The following RNF220 variants were observed in gnomAD, a reference collection of about 807,000 sequenced individuals.
The protein encoded by RNF220 is E3 ubiquitin-protein ligase RNF220.
A neutral mutation model predicts 67.1 loss-of-function variants in RNF220; 7 were observed. That is an observed-to-expected ratio of 0.10 (90% confidence interval 0.06 to 0.20). The LOEUF is 0.20. RNF220 is among the 10% of genes least tolerant of loss of function. The probability of loss-of-function intolerance (pLI) is 1.00; values close to 1 mark genes in which losing one functional copy is unlikely to be tolerated. For missense variants in RNF220, 565 were observed against 740.3 expected, an observed-to-expected ratio of 0.76 and a Z score of 2.75; for synonymous variants, 270 against 283.2, an observed-to-expected ratio of 0.95 and a Z score of 0.47.
intron 2 of RNF220, among the ~76,000 whole-genome samples, chr1:44,570,371 C>T (rs1381631031): frequency 4.6e-5 from 7 of 152,196 alleles, no homozygotes; most frequent in Admixed American, 2.6e-4. Flanking sequence ...AACATTTCTT[C>T]TGAAAATTGC....
intron 2 of RNF220, among the ~76,000 whole-genome samples, chr1:44,522,330 C>G (rs1572759308): frequency 6.6e-6 from 1 of 152,132 alleles, no homozygotes; most frequent in Non-Finnish European, 1.5e-5. Context: ...CTAATAATAT[C>G]CAGAGTCCTG....
chr1:44,513,632 C>G (rs1659215834), intron 2 of RNF220, among the ~76,000 whole-genome samples: 1 of 152,218 alleles, frequency 6.6e-6, no homozygotes, highest in Non-Finnish European at 1.5e-5. Context: ...CTGGCTTTGA[C>G]AGGGCCCATA....
intron 2 of RNF220, among the ~76,000 whole-genome samples, chr1:44,427,942 G>A (rs563989903): frequency 6.6e-6 from 1 of 152,214 alleles, no homozygotes; most frequent in Admixed American, 6.5e-5. Context: ...TGCATTATGG[G>A]GACAGTGACT....
intron 2 of RNF220, among the ~76,000 whole-genome samples, chr1:44,479,407 C>T (rs1252688316): frequency 3.3e-5 from 5 of 152,086 alleles, no homozygotes; most frequent in Admixed American, 6.5e-5. Context: ...TGAGCCACCG[C>T]GCTCGGCCAA....
At chr1:44,409,012 C>T (rs1223519469) in intron 1 of RNF220, 1 of 152,280 alleles carries the variant, frequency 6.6e-6, no homozygotes, top group Non-Finnish European at 1.5e-5. Context: ...GTTCGCTCCG[C>T]AGAGCGCGGA....
At chr1:44,584,940 C>T (rs1665588592) in intron 2 of RNF220, among the ~76,000 whole-genome samples, 1 of 152,198 alleles carries the variant, frequency 6.6e-6, no homozygotes. Flanking sequence ...CTCAAGTGAT[C>T]TGCCCACTTC....
intron 2 of RNF220, among the ~76,000 whole-genome samples, chr1:44,479,679 T>A (rs1265464711): frequency 6.6e-6 from 1 of 152,184 alleles, no homozygotes; most frequent in African/African-American, 2.4e-5. Context: ...CTGGATTAGG[T>A]CTTTAGCCCC....
intron 2 of RNF220, among the ~76,000 whole-genome samples, chr1:44,517,385 C>A (rs1425536779): frequency 2.0e-5 from 3 of 152,190 alleles, no homozygotes; most frequent in Non-Finnish European, 4.4e-5. Flanking sequence ...TTCCCCTCAT[C>A]CTTCAGATCT....
chr1:44,556,828 G>A (rs933994040), intron 2 of RNF220, among the ~76,000 whole-genome samples: 13 of 151,962 alleles, frequency 8.6e-5, no homozygotes, highest in African/African-American at 2.9e-4. Context: ...CAAAGTTCTG[G>A]GATTACAGGC....
chr1:44,486,674 T>C (rs910614178), intron 2 of RNF220, among the ~76,000 whole-genome samples: 15 of 152,180 alleles, frequency 9.9e-5, no homozygotes, highest in African/African-American at 3.4e-4. Context: ...GACACGTCCA[T>C]GTGTCTGTTG....
At chr1:44,429,892 GTACT>G (rs1233516106) in intron 2 of RNF220, among the ~76,000 whole-genome samples, 1 of 152,136 alleles carries the variant, frequency 6.6e-6, no homozygotes, top group East Asian at 1.9e-4. Flanking sequence ...ATTGGGTTAA[GTACT>G]TAAAGATGTA....
intron 2 of RNF220, among the ~76,000 whole-genome samples, chr1:44,421,816 G>T (rs1649254930): frequency 6.6e-6 from 1 of 152,142 alleles, no homozygotes; most frequent in African/African-American, 2.4e-5. Flanking sequence ...GGGAGTAGGA[G>T]GATGGGAGTG....
intron 2 of RNF220, among the ~76,000 whole-genome samples, chr1:44,468,550 CAA>C (rs1654486021): frequency 2.0e-5 from 3 of 152,138 alleles, no homozygotes; most frequent in African/African-American, 2.4e-5. Context: ...AGCTGGAAAA[CAA>C]GAGTGAAGGA....
chr1:44,426,378 G>A (rs917154692), intron 2 of RNF220, among the ~76,000 whole-genome samples: 1 of 152,344 alleles, frequency 6.6e-6, no homozygotes, highest in Non-Finnish European at 1.5e-5. Context: ...CCTTAGGCAA[G>A]ATCTTTAGAA....
rs1263241112 is a variant in RNF220 at position 44,417,541 on chromosome 1, G to C, written c.625+4819G>C. Among the ~76,000 whole-genome samples the C allele has an allele frequency of 6.6e-6, 1 of 152,090 alleles. No homozygotes were observed. The highest frequency in any genetic ancestry group is 1.9e-4 in the East Asian group (1 of 5,148). On this transcript the variant is annotated intron_variant, in intron 2 of 14. Transcript: ENST00000361799. The surrounding 1 kb of genome is among the most constrained non-coding windows in gnomAD (Gnocchi z 4.0). ...TTCCCCTGCCCTCGCTCCACGCCGC[G>C]CCGCTCTGTGCGGCGGCTGCCTCCT...
intron 2 of RNF220, among the ~76,000 whole-genome samples, chr1:44,469,718 A>G (rs1393645931): frequency 6.6e-6 from 1 of 152,216 alleles, no homozygotes; most frequent in Non-Finnish European, 1.5e-5. Context: ...GAGCCTGAGT[A>G]TGATATTACC....
Position 44,600,144 on chromosome 1 carries a change from G to A in RNF220, c.626-14021G>A, listed in dbSNP as rs150212771. 9.5e-4 allele frequency among the ~76,000 whole-genome samples: 145 copies of A among 152,274 alleles called. 2 individuals are homozygous for A. In the East Asian group the frequency reaches 0.024, roughly 26 times the overall value. On this transcript the variant is annotated intron_variant, in intron 2 of 14. Transcript: ENST00000361799. This position sits in a 1 kb window ranked among gnomAD's most constrained non-coding sequence, Gnocchi z 4.0. ...AATTTAGGGAGGTCTCTGGATAGTGGTACCATTCACTGAAACCAAAAGCAG... is the reference window on the plus strand; with the variant it reads ...AATTTAGGGAGGTCTCTGGATAGTGATACCATTCACTGAAACCAAAAGCAG...
intron 2 of RNF220, among the ~76,000 whole-genome samples, chr1:44,434,436 C>T (rs138844115): frequency 1.4e-3 from 217 of 152,108 alleles, no homozygotes; most frequent in African/African-American, 5.0e-3. Flanking sequence ...GGGCTGGGCG[C>T]GGTGGCTCAC....
chr1:44,586,044 T>C (rs1265305411), intron 2 of RNF220, among the ~76,000 whole-genome samples: 1 of 152,200 alleles, frequency 6.6e-6, no homozygotes, highest in Non-Finnish European at 1.5e-5. Context: ...ATTTGGGCTT[T>C]GCATAGGGTA....
Sources: allele counts gnomAD v4.1 joint callset (sites outside exome capture counted in the v4.1 genomes callset), GRCh38; gene constraint gnomAD v4.1.1; non-coding constraint Gnocchi (gnomAD v3.1); transcripts MANE v1.5; gene names NCBI Gene and HGNC (gene_info 2026-07-23, HGNC 2026-07-21).